Variants in TMCO6 observed in about 807,000 individuals in gnomAD.
TMCO6 encodes the protein transmembrane and coiled-coil domains 6.
Under a neutral mutation model 61.8 loss-of-function variants are expected in TMCO6, and 47 were observed. The ratio of observed to expected loss-of-function variants is 0.76; its 90% CI spans 0.60 to 0.97. The LOEUF (loss-of-function observed/expected upper bound fraction) is 0.97. Among genes scored for constraint, TMCO6 ranks in the 50% least tolerant of loss-of-function variants. TMCO6 has a pLI of 0.00. For synonymous variants in TMCO6, 261 were observed against 254.2 expected (o/e 1.03, Z -0.25); for missense variants, 557 against 601.6 (o/e 0.93, Z 0.78).
chr5:140,641,776 A>G lies in TMCO6; in HGVS notation c.310A>G (p.Ile104Val). The G allele has an allele frequency of 6.2e-7, 1 of 1,614,190 alleles. No individual in the cohort carries two copies. The highest frequency in any genetic ancestry group is 8.5e-7 in the Non-Finnish European group (1 of 1,180,020). The change falls in exon 3 of 12, where the codon ATC (isoleucine) becomes GTC (valine). Residue 104 changes from isoleucine to valine, a missense_variant. Coordinates refer to ENST00000394671, the MANE Select transcript of TMCO6 (RefSeq NM_018502.5). ...GCACCCTGAAACACAGCAAACCTTCATCCGGTCAGTGTGGATGGTGTGGTG... is the reference window on the plus strand; with the variant it reads ...GCACCCTGAAACACAGCAAACCTTCGTCCGGTCAGTGTGGATGGTGTGGTG... Reference protein sequence around the residue: ...LQHPETQQTFIRLEGSMRTLV... With the variant: ...LQHPETQQTFVRLEGSMRTLV...
the TMCO6 span, among the ~76,000 whole-genome samples, chr5:140,629,090 G>A: frequency 6.6e-6 from 1 of 152,088 alleles, no homozygotes; most frequent in African/African-American, 2.4e-5. Flanking sequence ...CCAACATGGT[G>A]AAACCCTGTC....
At chr5:140,598,603 T>A in the TMCO6 span, among the ~76,000 whole-genome samples, 1 of 152,238 alleles carries the variant, frequency 6.6e-6, no homozygotes, top group Non-Finnish European at 1.5e-5. Flanking sequence ...TCAGCATTCG[T>A]ATCTACCACT....
the TMCO6 span, chr5:140,632,298 A>T: frequency 6.2e-7 from 1 of 1,613,866 alleles, no homozygotes; most frequent in Non-Finnish European, 8.5e-7. The surrounding 1 kb of genome is among the most constrained non-coding windows in gnomAD (Gnocchi z 6.2). Context: ...TGTGTTGCGC[A>T]GCGCTAGATT....
the TMCO6 span, among the ~76,000 whole-genome samples, chr5:140,625,398 T>C: frequency 6.6e-6 from 1 of 152,176 alleles, no homozygotes; most frequent in East Asian, 1.9e-4. Context: ...TCATTGCCAA[T>C]GTCTTCCAGG....
the TMCO6 span, among the ~76,000 whole-genome samples, chr5:140,612,052 C>T: frequency 1.3e-5 from 2 of 152,026 alleles, no homozygotes; most frequent in African/African-American, 4.8e-5. Flanking sequence ...AGAACAACAA[C>T]AAAAACACAC....
At chr5:140,643,227 C>T in intron 7 of TMCO6, 186 bp downstream of exon 7, 2 of 824,878 alleles carry the variant, frequency 2.4e-6, no homozygotes, top group South Asian at 1.8e-5. Context: ...CAGTCTCACT[C>T]TGTCACCCAG....
the TMCO6 span, among the ~76,000 whole-genome samples, chr5:140,630,787 T>C: frequency 5.4e-4 from 83 of 152,348 alleles, no homozygotes; most frequent in Non-Finnish European, 1.1e-3. Flanking sequence ...TCAATGTTAA[T>C]TTCCATTCCC....
intron 2 of TMCO6, 91 bp from the exon 3 acceptor site, chr5:140,641,574 T>G: frequency 9.5e-7 from 1 of 1,047,554 alleles, no homozygotes; most frequent in Non-Finnish European, 1.4e-6. Context: ...AGGTGTGATA[T>G]TGGAAGGCTC....
chr5:140,597,979 A>C, the TMCO6 span, among the ~76,000 whole-genome samples: 2 of 152,184 alleles, frequency 1.3e-5, no homozygotes, highest in Admixed American at 6.5e-5. Flanking sequence ...CAAAAAAGAA[A>C]GTTGAGGTGA....
chr5:140,633,070 A>G, the TMCO6 span: 24 of 1,613,836 alleles, frequency 1.5e-5, no homozygotes, highest in Middle Eastern at 1.6e-4. Flanking sequence ...TACACTCACC[A>G]TGGTCGATAA....
the TMCO6 span, among the ~76,000 whole-genome samples, chr5:140,612,334 CTTTTTTT>C: frequency 3.6e-5 from 4 of 112,230 alleles, no homozygotes; most frequent in African/African-American, 7.7e-5. Context: ...CTTGCCCAAT[CTTTTTTT>C]TTTTTTTTTT....
At chr5:140,646,967 CTA>C, downstream of TMCO6, 1 of 335,660 alleles carries the variant, frequency 3.0e-6, no homozygotes, top group Non-Finnish European at 5.5e-6. Context: ...TTTGGAGAAA[CTA>C]TATTGACTAA....
rs375544608 is a variant in TMCO6 at position 140,639,752 on chromosome 5, G to C, written c.99G>C (p.Ala33=). ...RREREAALRK[A]RREQQLVSKR... is the part of the protein sequence containing the mutation. Reference sequence around the variant, plus strand: ...CTCTGCCCCCAGCACTGCGGAAGGCGCGGAGGGAGCAGCAGCTGGTCAGCA... The same window carrying C: ...CTCTGCCCCCAGCACTGCGGAAGGCCCGGAGGGAGCAGCAGCTGGTCAGCA... Residue 33 remains alanine (A), a synonymous_variant, in exon 2 of 12, where the codon GCG becomes GCC. Transcript: ENST00000394671. 3 of 1,598,378 alleles carry C rather than the reference G, an allele frequency of 1.9e-6. No individual in the cohort carries two copies. Among genetic ancestry groups the C allele is most frequent in the Non-Finnish European group, 2.6e-6 (3 of 1,173,674 alleles).
chr5:140,602,960 T>G, the TMCO6 span, among the ~76,000 whole-genome samples: 2 of 151,816 alleles, frequency 1.3e-5, no homozygotes, highest in Admixed American at 1.3e-4. Context: ...AATACAAAAA[T>G]TAGCCAGGGT....
intron 10 of TMCO6, 108 bp from the exon 11 acceptor site, chr5:140,644,465 A>G: frequency 1.5e-6 from 2 of 1,329,756 alleles, no homozygotes; most frequent in Non-Finnish European, 2.1e-6. Context: ...TGTATGTAGA[A>G]GAGCTTGGCA....
chr5:140,605,982 T>C, the TMCO6 span, among the ~76,000 whole-genome samples: 12 of 152,224 alleles, frequency 7.9e-5, no homozygotes, highest in East Asian at 2.3e-3. Context: ...TTTGTTGGCA[T>C]ATCGTGTTCA....
the TMCO6 span, chr5:140,632,297 C>T: frequency 6.2e-7 from 1 of 1,613,988 alleles, no homozygotes; most frequent in Non-Finnish European, 8.5e-7. The surrounding 1 kb of genome is among the most constrained non-coding windows in gnomAD (Gnocchi z 6.2). Context: ...CTGTGTTGCG[C>T]AGCGCTAGAT....
the TMCO6 span, among the ~76,000 whole-genome samples, chr5:140,598,117 A>C: frequency 6.6e-6 from 1 of 152,266 alleles, no homozygotes; most frequent in South Asian, 2.1e-4. Context: ...GCATGTGAGC[A>C]TACCCTCATG....
At chr5:140,645,635 A>G, downstream of TMCO6, 1 of 1,614,224 alleles carries the variant, frequency 6.2e-7, no homozygotes, top group Non-Finnish European at 8.5e-7. Context: ...TTACCTGATC[A>G]GCACTGAAGT....
Sources: allele counts gnomAD v4.1 joint callset (sites outside exome capture counted in the v4.1 genomes callset), GRCh38; gene constraint gnomAD v4.1.1; non-coding constraint Gnocchi (gnomAD v3.1); transcripts MANE v1.5; gene names NCBI Gene and HGNC (gene_info 2026-07-23, HGNC 2026-07-21).